The following PCSK1 variants were observed in gnomAD, a reference collection of about 807,000 sequenced individuals.
The protein encoded by PCSK1 is neuroendocrine convertase 1.
In PCSK1, 56 loss-of-function variants were observed where a neutral mutation model predicts 90.6. The ratio of observed to expected loss-of-function variants is 0.62; its 90% CI spans 0.50 to 0.77. PCSK1 has a LOEUF of 0.77. Ranked by LOEUF, PCSK1 falls within the 30% of genes least tolerant of loss-of-function variation. The pLI, the probability that PCSK1 is intolerant of heterozygous loss-of-function variation, is 0.00. For synonymous variants in PCSK1, 348 were observed against 342.4 expected, an observed-to-expected ratio of 1.02 and a Z score of -0.18; for missense variants, 801 against 932.6, an observed-to-expected ratio of 0.86 and a Z score of 1.84.
Position 96,393,083 on chromosome 5 carries a change from A to C in PCSK1, c.2180T>G (p.Val727Gly). Reference protein sequence around the residue: ...EDSLYNDYVDVFYNTKPYKHR... With the variant: ...EDSLYNDYVDGFYNTKPYKHR... Reference sequence around the variant, plus strand: ...CTTGTAAGGTTTAGTGTTATAAAAAACATCAACATAGTCATTATACAGACT... The same window carrying C: ...CTTGTAAGGTTTAGTGTTATAAAAACCATCAACATAGTCATTATACAGACT... Residue 727 changes from valine (V) to glycine (G), a missense_variant, in exon 14 of 14, where the codon GTT becomes GGT. Physicochemically the swap from Val to Gly is moderately radical, Grantham distance 109 (BLOSUM62 -3). Transcript: ENST00000311106. The C allele has an allele frequency of 6.2e-7, 1 of 1,614,178 alleles. No individual in the cohort carries two copies. The highest frequency in any genetic ancestry group is 8.5e-7 in the Non-Finnish European group (1 of 1,180,000).
chr5:96,416,253 A>C, intron 5 of PCSK1, 132 bp from the exon 6 acceptor site: 1 of 691,850 alleles, frequency 1.4e-6, no homozygotes, highest in Non-Finnish European at 2.6e-6. Flanking sequence ...TGTTTGTTTT[A>C]AATTAGTATA....
chr5:96,425,008 AAAAGAAAGAAAGAAAGAAAG>A (rs200406743), intron 3 of PCSK1, among the ~76,000 whole-genome samples: 9,454 of 117,396 alleles, frequency 0.081, 438 homozygotes, highest in South Asian at 0.098. Context: ...AGAAAGAAAG[AAAAGAAAGAAAGAAAGAAAG>A]AAAGAAAGAA....
At position 96,433,162 on chromosome 5, in the gene PCSK1, G is replaced by A; in HGVS notation, c.-120C>T. 1 of 962,766 alleles carries A rather than the reference G, an allele frequency of 1.0e-6. No individual in the cohort carries two copies. The highest frequency in any genetic ancestry group is 1.6e-5 in the African/African-American group (1 of 62,526). 59.6% of individuals were successfully genotyped at this position (962,766 alleles called of 1,614,324 possible). A position where few individuals can be genotyped will look rare whatever the true frequency, so the allele number is the denominator to read the frequency against. ...GGCTCTAGACCACTCCTGGCTCCTG[G>A]TTGCTCTGCGAAGAGCTAGGAGGCG... On this transcript the variant is annotated 5_prime_UTR_variant, in exon 1 of 14. Coordinates refer to ENST00000311106, the MANE Select transcript of PCSK1 (RefSeq NM_000439.5).
At chr5:96,428,335 T>G (rs76983535) in intron 2 of PCSK1, among the ~76,000 whole-genome samples, 3,735 of 152,208 alleles carry the variant, frequency 0.025, 148 homozygotes, top group African/African-American at 0.085. Context: ...ATTCTCCAGG[T>G]TGTCCTAGGT....
chr5:96,390,447 A>G lies in PCSK1; in HGVS notation c.*2554T>C, dbSNP rs1759903531. The G allele has an allele frequency of 6.6e-6, 1 of 152,272 alleles. No homozygotes were observed. Among genetic ancestry groups the G allele is most frequent in the Non-Finnish European group, 1.5e-5 (1 of 68,028 alleles). 9.4% of individuals were successfully genotyped at this position (152,272 alleles called of 1,614,324 possible). A position where few individuals can be genotyped will look rare whatever the true frequency, so the allele number is the denominator to read the frequency against. ...TCAATACATCAAATGTATAATGTGG[A>G]AGTTCCCTTAAGAATACCAAGACCA... On this transcript the variant is annotated 3_prime_UTR_variant, in exon 14 of 14. Coordinates refer to ENST00000311106, the MANE Select transcript of PCSK1 (RefSeq NM_000439.5).
At chr5:96,415,596 TTAATA>T (rs1358846891) in intron 6 of PCSK1, among the ~76,000 whole-genome samples, 1 of 152,208 alleles carries the variant, frequency 6.6e-6, no homozygotes, top group African/African-American at 2.4e-5. Flanking sequence ...ATTTGGCTAT[TTAATA>T]TAATAAGTAT....
At chr5:96,413,026 G>T in intron 6 of PCSK1, 45 of 874,850 alleles carry the variant, frequency 5.1e-5, no homozygotes, top group Non-Finnish European at 6.2e-5. Flanking sequence ...ACTCTGGACA[G>T]GAAACATGTA....
chr5:96,403,479 T>C (rs1295760686), intron 9 of PCSK1, among the ~76,000 whole-genome samples: 1 of 152,190 alleles, frequency 6.6e-6, no homozygotes, highest in Non-Finnish European at 1.5e-5. Flanking sequence ...TTCGTGTGCT[T>C]GTATTTCATA....
At chr5:96,399,928 G>A in intron 10 of PCSK1, 25 bp downstream of exon 10, 1 of 1,548,546 alleles carries the variant, frequency 6.5e-7, no homozygotes. Context: ...GCACACATGT[G>A]TTTAAAATTC....
chr5:96,419,383 ATT>A (rs1761043901), intron 5 of PCSK1, among the ~76,000 whole-genome samples: 1 of 119,172 alleles, frequency 8.4e-6, no homozygotes, highest in South Asian at 2.8e-4. Context: ...TATAATACTT[ATT>A]ATATATATAT....
chr5:96,410,688 G>T, intron 8 of PCSK1, 86 bp downstream of exon 8: 1 of 1,076,652 alleles, frequency 9.3e-7, no homozygotes, highest in Non-Finnish European at 1.4e-6. Context: ...CGAATCAGTC[G>T]TACCAAAGGT....
Position 96,428,987 on chromosome 5 carries a change from G to A in PCSK1, c.285+226C>T, listed in dbSNP as rs76876574. Among the ~76,000 whole-genome samples, 1,481 of 151,942 alleles carry A rather than the reference G, an allele frequency of 9.7e-3. 30 individuals carry two copies. The highest frequency in any genetic ancestry group is 0.034 in the African/African-American group (1,426 of 41,444). On this transcript the variant is annotated intron_variant, in intron 2 of 13. Transcript: ENST00000311106. ...ATATGTAATTATATAATTAAACTGC[G>A]TATATATGTGTAAAATTAACTTTGG...
chr5:96,399,622 T>C (rs1760282580), intron 10 of PCSK1, among the ~76,000 whole-genome samples: 1 of 152,206 alleles, frequency 6.6e-6, no homozygotes, highest in Non-Finnish European at 1.5e-5. Flanking sequence ...CTAAGATGCA[T>C]TTTAAAAAAA....
intron 9 of PCSK1, among the ~76,000 whole-genome samples, 155 bp from the exon 10 acceptor site, chr5:96,400,341 T>G (rs1014549184): frequency 2.6e-5 from 4 of 152,220 alleles, no homozygotes; most frequent in African/African-American, 9.7e-5. Flanking sequence ...TCATATATCT[T>G]TTCATTCAGA....
In PCSK1 at chr5:96,415,585, A is replaced by C. The variant is rs180842189; in HGVS notation, c.709+448T>G. On this transcript the variant is annotated intron_variant, in intron 6 of 13. Coordinates refer to ENST00000311106, the MANE Select transcript of PCSK1 (RefSeq NM_000439.5). ...CCTACATCCTTGCTATAAAAGATAAAATTTGGCTATTTAATATAATAAGTA... is the reference window on the plus strand; with the variant it reads ...CCTACATCCTTGCTATAAAAGATAACATTTGGCTATTTAATATAATAAGTA... 9.9e-5 allele frequency among the ~76,000 whole-genome samples: 15 copies of C among 152,268 alleles called. No individual in the cohort carries two copies. In the East Asian group the frequency reaches 2.9e-3, roughly 29 times the overall value.
chr5:96,397,880 C>A (rs1760215451), intron 11 of PCSK1, among the ~76,000 whole-genome samples: 1 of 151,846 alleles, frequency 6.6e-6, no homozygotes, highest in Admixed American at 6.6e-5. Context: ...TAGTAGGTGC[C>A]TGACTCCATA....
chr5:96,396,577 AG>A (rs911180518), intron 12 of PCSK1, among the ~76,000 whole-genome samples: 2 of 151,214 alleles, frequency 1.3e-5, no homozygotes, highest in African/African-American at 4.9e-5. Context: ...AAAAAAAAAA[AG>A]TTATTTAGGC....
chr5:96,405,538 GCACATGCCTGTAATCC>G (rs1760530966), intron 9 of PCSK1, among the ~76,000 whole-genome samples: 1 of 152,260 alleles, frequency 6.6e-6, no homozygotes, highest in East Asian at 1.9e-4. Context: ...AGGCATGGTG[GCACATGCCTGTAATCC>G]CAGCTACTCA....
At chr5:96,432,111 C>T (rs932297722) in intron 1 of PCSK1, 1 of 1,535,454 alleles carries the variant, frequency 6.5e-7, no homozygotes, top group Non-Finnish European at 8.7e-7. Flanking sequence ...AGAAATAGAT[C>T]CCTTCCCCAT....
Sources: allele counts gnomAD v4.1 joint callset (sites outside exome capture counted in the v4.1 genomes callset), GRCh38; gene constraint gnomAD v4.1.1; transcripts MANE v1.5; gene names NCBI Gene and HGNC (gene_info 2026-07-23, HGNC 2026-07-21).